The following KCNAB1 variants were observed in gnomAD, a reference collection of about 807,000 sequenced individuals.
KCNAB1 encodes the protein voltage-gated potassium channel subunit beta-1.
A neutral mutation model predicts 64.6 loss-of-function variants in KCNAB1; 35 were observed. That is an observed-to-expected ratio of 0.54 (90% CI 0.41 to 0.72). KCNAB1 has a LOEUF of 0.72. KCNAB1 is among the 30% of genes least tolerant of loss of function. The probability of loss-of-function intolerance (pLI) is 0.00; values close to 1 mark genes in which losing one functional copy is unlikely to be tolerated. For synonymous variants in KCNAB1, 177 were observed against 183.8 expected (o/e 0.96, Z 0.30); for missense variants, 401 against 512.9 (o/e 0.78, Z 2.11).
chr3:156,351,097 C>T (rs3772242), intron 1 of KCNAB1, among the ~76,000 whole-genome samples: 16,046 of 152,300 alleles, frequency 0.11, 943 homozygotes, highest in Middle Eastern at 0.21. Flanking sequence ...GAAATGAAAA[C>T]TTGAATGCAA....
At chr3:156,421,107 T>C (rs1240239228) in intron 1 of KCNAB1, among the ~76,000 whole-genome samples, 1 of 151,982 alleles carries the variant, frequency 6.6e-6, no homozygotes, top group Non-Finnish European at 1.5e-5. Context: ...GTTTTAGAAG[T>C]CAGTTTGTTA....
chr3:156,483,612 T>G (rs1007848685), intron 8 of KCNAB1, among the ~76,000 whole-genome samples: 1 of 152,112 alleles, frequency 6.6e-6, no homozygotes, highest in Middle Eastern at 3.2e-3. Context: ...TCCACCCAGT[T>G]TCATTTATCC....
At chr3:156,188,557 A>G (rs1365396049) in intron 1 of KCNAB1, among the ~76,000 whole-genome samples, 5 of 152,240 alleles carry the variant, frequency 3.3e-5, no homozygotes, top group African/African-American at 9.6e-5. Context: ...TAGAAAAGCA[A>G]AGTCCTTCAT....
At chr3:156,162,189 C>A (rs986388047) in intron 1 of KCNAB1, among the ~76,000 whole-genome samples, 32 of 152,038 alleles carry the variant, frequency 2.1e-4, no homozygotes, top group Admixed American at 2.6e-4. Flanking sequence ...CATAGAATGG[C>A]TTTCTAAACA....
intron 1 of KCNAB1, among the ~76,000 whole-genome samples, chr3:156,341,082 C>A (rs1186947094): frequency 1.3e-5 from 2 of 152,086 alleles, no homozygotes; most frequent in African/African-American, 4.8e-5. Context: ...ATTTTTATGG[C>A]AAATTTAATT....
chr3:156,186,194 T>C (rs1713178901), intron 1 of KCNAB1, among the ~76,000 whole-genome samples: 1 of 152,228 alleles, frequency 6.6e-6, no homozygotes, highest in Non-Finnish European at 1.5e-5. Context: ...ACTTTAGTGT[T>C]TCATCTCTCT....
At chr3:156,327,219 C>T (rs73164703) in intron 1 of KCNAB1, among the ~76,000 whole-genome samples, 1,594 of 152,252 alleles carry the variant, frequency 0.01, 14 homozygotes, top group Middle Eastern at 0.051. Context: ...CACTTTATTT[C>T]CTTCTTGATC....
At chr3:156,414,096 C>A (rs1283049321) in intron 1 of KCNAB1, among the ~76,000 whole-genome samples, 2 of 152,200 alleles carry the variant, frequency 1.3e-5, no homozygotes, top group Non-Finnish European at 2.9e-5. Flanking sequence ...TGCTACATTG[C>A]TGACTTTGCT....
Position 156,202,247 on chromosome 3 carries a change from T to A in KCNAB1, c.275+81361T>A, listed in dbSNP as rs1308922135. On this transcript the variant is annotated intron_variant, in intron 1 of 13. Transcript: ENST00000490337. ...TCAAGTGTCTGTCATGGTTGAGGAG[T>A]CTCCTCCTGCTGGGATTCCAGAGGC... Among the ~76,000 whole-genome samples, 6 of 151,964 alleles carry A rather than the reference T, an allele frequency of 3.9e-5. 1 individual carries two copies. Among genetic ancestry groups the A allele is most frequent in the Admixed American group, 6.6e-5 (1 of 15,258 alleles).
At position 156,142,383 on chromosome 3, in the gene KCNAB1, C is replaced by A. The variant is rs149226159; in HGVS notation, c.275+21497C>A. Among the ~76,000 whole-genome samples, 1,034 of 152,278 alleles carry A rather than the reference C, an allele frequency of 6.8e-3. 12 individuals are homozygous for A. The highest frequency in any genetic ancestry group is 0.017 in the South Asian group (81 of 4,826). On this transcript the variant is annotated intron_variant, in intron 1 of 13. Transcript: ENST00000490337. Reference sequence around the variant, plus strand: ...TTTTACCTACAAGTTTATAGTTTTACATTTTACATTTAAATCCATGATCAA... The same window carrying A: ...TTTTACCTACAAGTTTATAGTTTTAAATTTTACATTTAAATCCATGATCAA...
At chr3:156,438,497 G>C (rs987413489) in intron 2 of KCNAB1, among the ~76,000 whole-genome samples, 2 of 152,200 alleles carry the variant, frequency 1.3e-5, no homozygotes, top group Admixed American at 6.5e-5. Context: ...CAGGTATGTG[G>C]TTAGAATTGA....
intron 8 of KCNAB1, among the ~76,000 whole-genome samples, chr3:156,506,883 GA>G (rs577489467): frequency 9.3e-5 from 14 of 150,490 alleles, no homozygotes; most frequent in Non-Finnish European, 1.9e-4. Context: ...GTTTTTCTTC[GA>G]AAAAAAACAA....
chr3:156,237,644 T>C (rs774208803), intron 1 of KCNAB1, among the ~76,000 whole-genome samples: 6 of 152,222 alleles, frequency 3.9e-5, no homozygotes, highest in Non-Finnish European at 8.8e-5. Flanking sequence ...CCTTTGCACA[T>C]GTGCTTTCCT....
intron 11 of KCNAB1, among the ~76,000 whole-genome samples, chr3:156,518,620 T>C (rs1382783088): frequency 6.6e-6 from 1 of 152,234 alleles, no homozygotes; most frequent in Non-Finnish European, 1.5e-5. Context: ...GTTATACTGA[T>C]AAGATTAAGA....
At chr3:156,478,796 C>T (rs1714570897) in intron 8 of KCNAB1, among the ~76,000 whole-genome samples, 1 of 152,132 alleles carries the variant, frequency 6.6e-6, no homozygotes, top group African/African-American at 2.4e-5. Context: ...TTAACTGCAG[C>T]ATCTTTATAA....
chr3:156,171,187 G>GCACGCACACACACACACACA (rs1553812698), intron 1 of KCNAB1, among the ~76,000 whole-genome samples: 1 of 142,738 alleles, frequency 7.0e-6, no homozygotes, highest in Non-Finnish European at 1.5e-5. Flanking sequence ...GAAACTTCAC[G>GCACGCACACACACACACACA]CACACATACA....
chr3:156,447,986 C>A (rs1576880283), intron 2 of KCNAB1, among the ~76,000 whole-genome samples: 1 of 152,124 alleles, frequency 6.6e-6, no homozygotes, highest in African/African-American at 2.4e-5. Context: ...TGATAATCAC[C>A]AAACGATAAT....
At chr3:156,189,204 G>A (rs551621750) in intron 1 of KCNAB1, among the ~76,000 whole-genome samples, 2 of 152,296 alleles carry the variant, frequency 1.3e-5, no homozygotes, top group East Asian at 3.9e-4. Flanking sequence ...TTGGTTAAGA[G>A]GAGAATCACT....
At chr3:156,504,281 C>T (rs1357571861) in intron 8 of KCNAB1, among the ~76,000 whole-genome samples, 2 of 152,108 alleles carry the variant, frequency 1.3e-5, no homozygotes, top group African/African-American at 4.8e-5. Flanking sequence ...CATTGAGTAT[C>T]TATAACACAT....
Sources: allele counts gnomAD v4.1 joint callset (sites outside exome capture counted in the v4.1 genomes callset), GRCh38; gene constraint gnomAD v4.1.1; transcripts MANE v1.5; gene names NCBI Gene and HGNC (gene_info 2026-07-23, HGNC 2026-07-21).